TMTC2: variants seen among roughly 807,000 people sequenced by gnomAD.
The protein encoded by TMTC2 is transmembrane O-mannosyltransferase targeting cadherins 2.
In TMTC2, 43 loss-of-function variants were observed where a neutral mutation model predicts 82.4. The ratio of observed to expected loss-of-function variants is 0.52; its 90% CI spans 0.41 to 0.67. TMTC2 has a LOEUF of 0.67. Among genes scored for constraint, TMTC2 ranks in the 30% least tolerant of loss-of-function variants. The pLI is 0.00. For missense variants in TMTC2, 919 were observed against 1,012.4 expected (o/e 0.91, Z 1.25); for synonymous variants, 408 against 381.9 (o/e 1.07, Z -0.80).
intron 1 of TMTC2, among the ~76,000 whole-genome samples, chr12:82,761,480 A>C (rs1876629072): frequency 6.6e-6 from 1 of 152,192 alleles, no homozygotes; most frequent in Non-Finnish European, 1.5e-5. Flanking sequence ...TCACAGATTC[A>C]AGCGAGTATT....
At chr12:83,119,438 G>A (rs1252179478) in intron 11 of TMTC2, among the ~76,000 whole-genome samples, 1 of 152,058 alleles carries the variant, frequency 6.6e-6, no homozygotes, top group Non-Finnish European at 1.5e-5. Context: ...TAATTTCCGT[G>A]TATTTGCATG....
intron 1 of TMTC2, among the ~76,000 whole-genome samples, chr12:82,848,802 CA>C (rs1484158089): frequency 6.6e-6 from 1 of 152,030 alleles, no homozygotes; most frequent in Non-Finnish European, 1.5e-5. Flanking sequence ...GGGAATGTGT[CA>C]ATACTCAAAG....
chr12:82,945,396 C>A (rs1625070), intron 4 of TMTC2, among the ~76,000 whole-genome samples: 79 of 152,268 alleles, frequency 5.2e-4, no homozygotes, highest in Middle Eastern at 3.4e-3. Context: ...TCGTTTTCAT[C>A]CAGGACACTG....
chr12:83,005,450 G>C (rs1026013684), intron 8 of TMTC2, among the ~76,000 whole-genome samples: 1 of 151,952 alleles, frequency 6.6e-6, no homozygotes, highest in African/African-American at 2.4e-5. Flanking sequence ...GAGAAGAGAT[G>C]ACCCCCTTAT....
rs1488541508 is a variant in TMTC2 at position 83,132,430 on chromosome 12, T to A, written c.*41T>A. The stretch of plus-strand genomic sequence containing the variant: ...CCCATCCTCCTCCATTTTTAAAAGC[T>A]GGCTTCCTTAGCAGACAGAACTTCC... On this transcript the variant is annotated 3_prime_UTR_variant, in exon 12 of 12. Coordinates refer to ENST00000321196, the MANE Select transcript of TMTC2 (RefSeq NM_152588.3). 1 of 1,606,366 alleles carries A rather than the reference T, an allele frequency of 6.2e-7. No homozygotes were observed. Among genetic ancestry groups the A allele is most frequent in the Non-Finnish European group, 8.5e-7 (1 of 1,177,188 alleles).
chr12:82,807,748 C>T (rs1325473211), intron 1 of TMTC2, among the ~76,000 whole-genome samples: 1 of 151,926 alleles, frequency 6.6e-6, no homozygotes, highest in Non-Finnish European at 1.5e-5. Context: ...CATAAGTAGA[C>T]CAGTGATCTA....
intron 8 of TMTC2, among the ~76,000 whole-genome samples, chr12:82,992,217 G>A (rs912857216): frequency 5.9e-5 from 9 of 152,214 alleles, no homozygotes; most frequent in African/African-American, 1.7e-4. Context: ...ATGTAATGCA[G>A]TGTGTTTCCA....
chr12:82,735,588 G>T (rs536300231), intron 1 of TMTC2, among the ~76,000 whole-genome samples: 9 of 151,568 alleles, frequency 5.9e-5, no homozygotes, highest in East Asian at 2.0e-4. Context: ...CTTGTGATCC[G>T]CCCTCCTTGG....
At chr12:82,916,303 C>T (rs77637075) in intron 3 of TMTC2, among the ~76,000 whole-genome samples, 2 of 152,156 alleles carry the variant, frequency 1.3e-5, no homozygotes, top group African/African-American at 2.4e-5. Flanking sequence ...CAAATTCTCT[C>T]CCTTTGGCCA....
intron 1 of TMTC2, among the ~76,000 whole-genome samples, chr12:82,840,645 T>G (rs1236458437): frequency 1.3e-5 from 2 of 152,220 alleles, no homozygotes; most frequent in Non-Finnish European, 2.9e-5. Flanking sequence ...GCAGAGGTTA[T>G]CTGATGTAGT....
intron 11 of TMTC2, among the ~76,000 whole-genome samples, chr12:83,128,784 A>G (rs1205414791): frequency 1.3e-5 from 2 of 152,220 alleles, no homozygotes; most frequent in African/African-American, 4.8e-5. Flanking sequence ...AATTCAGTCC[A>G]GTGGGCATCC....
At chr12:83,081,967 G>C (rs956285900) in intron 11 of TMTC2, among the ~76,000 whole-genome samples, 3 of 152,168 alleles carry the variant, frequency 2.0e-5, no homozygotes, top group Admixed American at 6.5e-5. Context: ...GGGCAACAGA[G>C]TGAGACCCTA....
chr12:83,061,044 A>G (rs1416484605), intron 10 of TMTC2, among the ~76,000 whole-genome samples: 2 of 151,808 alleles, frequency 1.3e-5, no homozygotes, highest in Non-Finnish European at 2.9e-5. Flanking sequence ...TCAGTGGCCC[A>G]GAAGTGAGAT....
chr12:82,862,730 A>G (rs901192475), intron 2 of TMTC2, among the ~76,000 whole-genome samples: 5 of 152,222 alleles, frequency 3.3e-5, no homozygotes, highest in Admixed American at 3.3e-4. Context: ...AAAGTGAATG[A>G]TGGAGGTTGC....
intron 2 of TMTC2, among the ~76,000 whole-genome samples, chr12:82,874,392 A>G (rs1464476018): frequency 1.3e-5 from 2 of 152,216 alleles, no homozygotes; most frequent in East Asian, 3.9e-4. Flanking sequence ...AATTTAAAAT[A>G]TAATTTTACT....
At chr12:83,040,974 G>T (rs1364696061) in intron 9 of TMTC2, among the ~76,000 whole-genome samples, 1 of 152,056 alleles carries the variant, frequency 6.6e-6, no homozygotes, top group South Asian at 2.1e-4. Flanking sequence ...ATGAGCCACC[G>T]CACCAGGTCA....
intron 2 of TMTC2, among the ~76,000 whole-genome samples, chr12:82,874,039 C>T (rs1872350252): frequency 6.6e-6 from 1 of 152,178 alleles, no homozygotes; most frequent in Non-Finnish European, 1.5e-5. Context: ...AAGACAGTTG[C>T]TGATTTACAT....
intron 1 of TMTC2, among the ~76,000 whole-genome samples, chr12:82,722,167 C>G (rs545311128): frequency 6.6e-6 from 1 of 152,116 alleles, no homozygotes; most frequent in Admixed American, 6.6e-5. Context: ...AAAGAAAAAT[C>G]AAAGGACTTG....
intron 1 of TMTC2, among the ~76,000 whole-genome samples, chr12:82,718,380 ATT>A (rs1873996616): frequency 6.6e-6 from 1 of 152,236 alleles, no homozygotes. Flanking sequence ...TTAAACCTGA[ATT>A]ATACCTGTAG....
Sources: allele counts gnomAD v4.1 joint callset (sites outside exome capture counted in the v4.1 genomes callset), GRCh38; gene constraint gnomAD v4.1.1; transcripts MANE v1.5; gene names NCBI Gene and HGNC (gene_info 2026-07-23, HGNC 2026-07-21).